Variants in RASGRF2 observed in about 807,000 individuals in gnomAD.
The protein encoded by RASGRF2 is Ras protein specific guanine nucleotide releasing factor 2.
Under a neutral mutation model 151.0 loss-of-function variants are expected in RASGRF2, and 76 were observed. The observed-to-expected ratio is 0.50, with a 90% confidence interval of 0.42 to 0.61. The LOEUF is 0.61. RASGRF2 is among the 20% of genes least tolerant of loss of function. RASGRF2 has a pLI of 0.00. For synonymous variants in RASGRF2, 504 were observed against 566.5 expected, an observed-to-expected ratio of 0.89 and a Z score of 1.57; for missense variants, 1,148 against 1,564.6, an observed-to-expected ratio of 0.73 and a Z score of 4.49.
chr5:80,999,997 G>T (rs1034349234), intron 1 of RASGRF2, among the ~76,000 whole-genome samples: 1 of 152,266 alleles, frequency 6.6e-6, no homozygotes, highest in East Asian at 1.9e-4. Context: ...TGTGTTCCAC[G>T]ATATCTGGGA....
At chr5:81,166,643 A>T (rs948473731) in intron 17 of RASGRF2, among the ~76,000 whole-genome samples, 4 of 128,298 alleles carry the variant, frequency 3.1e-5, no homozygotes, top group African/African-American at 1.1e-4. Context: ...GGATTTATGG[A>T]TACTGAAGGG....
intron 2 of RASGRF2, among the ~76,000 whole-genome samples, chr5:81,056,446 G>A (rs1751214751): frequency 1.3e-5 from 2 of 152,218 alleles, no homozygotes; most frequent in African/African-American, 4.8e-5. Flanking sequence ...TTTTGAGTGA[G>A]TTTCTTAATC....
intron 3 of RASGRF2, among the ~76,000 whole-genome samples, chr5:81,068,979 A>G (rs1751695293): frequency 6.6e-6 from 1 of 152,240 alleles, no homozygotes; most frequent in African/African-American, 2.4e-5. Flanking sequence ...CCAGGGATGC[A>G]TTAGTATCTT....
chr5:81,156,059 G>T (rs1413587085), intron 17 of RASGRF2, among the ~76,000 whole-genome samples: 3 of 151,768 alleles, frequency 2.0e-5, no homozygotes, highest in African/African-American at 7.3e-5. Flanking sequence ...AGTTGAGGGG[G>T]AACTGAGGGT....
At chr5:81,024,527 TG>T in intron 1 of RASGRF2, among the ~76,000 whole-genome samples, 1 of 152,256 alleles carries the variant, frequency 6.6e-6, no homozygotes, top group South Asian at 2.1e-4. Flanking sequence ...CCCGATGTGC[TG>T]GGATTACAGG....
chr5:81,129,115 G>A (rs115017698), intron 17 of RASGRF2, among the ~76,000 whole-genome samples: 3,169 of 152,348 alleles, frequency 0.021, 62 homozygotes, highest in Middle Eastern at 0.061. Flanking sequence ...ATGACAGGGT[G>A]AGACTCTGTC....
At chr5:80,970,574 C>T (rs1747899769) in intron 1 of RASGRF2, among the ~76,000 whole-genome samples, 1 of 152,102 alleles carries the variant, frequency 6.6e-6, no homozygotes, top group South Asian at 2.1e-4. Flanking sequence ...GTTGTCATAA[C>T]CCTCATGATA....
At chr5:81,031,088 A>T (rs1028297539) in intron 1 of RASGRF2, among the ~76,000 whole-genome samples, 2 of 152,266 alleles carry the variant, frequency 1.3e-5, no homozygotes, top group African/African-American at 4.8e-5. Flanking sequence ...TCAATTCAAC[A>T]AGAGGAGCTA....
intron 1 of RASGRF2, among the ~76,000 whole-genome samples, chr5:81,024,615 A>G (rs1238260487): frequency 6.6e-6 from 1 of 152,098 alleles, no homozygotes; most frequent in Admixed American, 6.5e-5. Flanking sequence ...TGACTACATA[A>G]CTGTCATACG....
intron 17 of RASGRF2, among the ~76,000 whole-genome samples, chr5:81,178,629 G>T (rs1754837112): frequency 6.6e-6 from 1 of 152,198 alleles, no homozygotes; most frequent in African/African-American, 2.4e-5. Flanking sequence ...GGACATGAAG[G>T]TTATTGGTAG....
chr5:81,034,814 GT>G (rs1750419857), intron 1 of RASGRF2, among the ~76,000 whole-genome samples: 1 of 126,192 alleles, frequency 7.9e-6, no homozygotes. Context: ...TGGGAGGGGG[GT>G]AGGGATAGCA....
intron 1 of RASGRF2, among the ~76,000 whole-genome samples, chr5:80,989,456 G>C (rs1052892399): frequency 3.3e-5 from 5 of 152,146 alleles, no homozygotes; most frequent in African/African-American, 1.2e-4. Flanking sequence ...GCTCATTTCT[G>C]TTTGGCTATT....
intron 1 of RASGRF2, among the ~76,000 whole-genome samples, chr5:80,992,850 C>T (rs1748697798): frequency 6.6e-6 from 1 of 152,108 alleles, no homozygotes; most frequent in Non-Finnish European, 1.5e-5. Context: ...GCACATGAAA[C>T]ATTTTCTAGA....
intron 26 of RASGRF2, among the ~76,000 whole-genome samples, chr5:81,221,390 A>G (rs1755853713): frequency 6.6e-6 from 1 of 152,174 alleles, no homozygotes; most frequent in South Asian, 2.1e-4. Flanking sequence ...GTATGGACTA[A>G]TGGATTTGAT....
At chr5:81,099,026 A>G (rs1198666600) in intron 12 of RASGRF2, among the ~76,000 whole-genome samples, 1 of 152,222 alleles carries the variant, frequency 6.6e-6, no homozygotes, top group Non-Finnish European at 1.5e-5. Flanking sequence ...GATAACCTAC[A>G]TTAGAATTAC....
rs1310650730 is a variant in RASGRF2 at position 81,017,161 on chromosome 5, C to A, written c.289-25716C>A. On this transcript the variant is annotated intron_variant, in intron 1 of 26. Coordinates refer to ENST00000265080, the MANE Select transcript of RASGRF2 (RefSeq NM_006909.3). ...GGCAGGAGTCCAGTGTCCTAGGCAG[C>A]CTGGAGGTGACTGGTTTCCAGGTGC... Among the ~76,000 whole-genome samples, 3 of 152,178 alleles carry A rather than the reference C, an allele frequency of 2.0e-5. No homozygotes were observed. In the East Asian group the frequency reaches 5.8e-4, roughly 29 times the overall value.
chr5:81,213,855 A>G (rs1755675698), intron 23 of RASGRF2, among the ~76,000 whole-genome samples: 1 of 152,096 alleles, frequency 6.6e-6, no homozygotes, highest in African/African-American at 2.4e-5. Context: ...AATACTGGTT[A>G]AAAACAAAAA....
chr5:81,056,555 G>A (rs1321014390), intron 2 of RASGRF2, among the ~76,000 whole-genome samples: 2 of 152,170 alleles, frequency 1.3e-5, no homozygotes, highest in Admixed American at 1.3e-4. Flanking sequence ...CAACTATGTG[G>A]TCAGTTTTGG....
At chr5:81,017,978 G>A (rs550719167) in intron 1 of RASGRF2, among the ~76,000 whole-genome samples, 17 of 152,004 alleles carry the variant, frequency 1.1e-4, no homozygotes, top group Non-Finnish European at 2.4e-4. Flanking sequence ...ACATGGTGAC[G>A]GGCACCTGTA....
Sources: gnomAD v4.1 joint callset for allele counts (sites outside exome capture counted in the v4.1 genomes callset) on GRCh38, gnomAD v4.1.1 for gene constraint, MANE v1.5 for transcripts, NCBI Gene and HGNC (gene_info 2026-07-23, HGNC 2026-07-21) for gene names.